Variants in TDRD10 observed in about 807,000 individuals in gnomAD.
TDRD10 encodes the protein tudor domain containing 10, also known as tudor domain-containing protein 10.
In TDRD10, 40 loss-of-function variants were observed where a neutral mutation model predicts 48.0. The ratio of observed to expected loss-of-function variants is 0.83; its 90% CI spans 0.65 to 1.09. The LOEUF (loss-of-function observed/expected upper bound fraction) is 1.09. Among genes scored for constraint, TDRD10 ranks in the 50% least tolerant of loss-of-function variants. TDRD10 has a pLI of 0.00. For missense variants in TDRD10, 378 were observed against 434.7 expected (o/e 0.87, Z 1.16); for synonymous variants, 162 against 170.4 (o/e 0.95, Z 0.38).
At chr1:154,530,433 T>A (rs4845645) in intron 6 of TDRD10, among the ~76,000 whole-genome samples, 111,932 of 143,882 alleles carry the variant, frequency 0.78, 44,139 homozygotes, top group East Asian at 0.91. Context: ...TTTCATTAAA[T>A]TTTTTTTTTC....
chr1:154,538,742 A>G (rs1340367021), intron 6 of TDRD10, among the ~76,000 whole-genome samples: 1 of 150,754 alleles, frequency 6.6e-6, no homozygotes, highest in Non-Finnish European at 1.5e-5. Context: ...AGTCTGAGCT[A>G]CTCGGGAGGC....
chr1:154,543,420 T>G (rs1253388727), intron 8 of TDRD10, among the ~76,000 whole-genome samples: 1 of 152,246 alleles, frequency 6.6e-6, no homozygotes, highest in Non-Finnish European at 1.5e-5. Flanking sequence ...GATACCGTTC[T>G]TAATGTCAAG....
chr1:154,521,259 C>T, intron 5 of TDRD10, 64 bp from the exon 6 acceptor site: 1 of 1,562,890 alleles, frequency 6.4e-7, no homozygotes, highest in Non-Finnish European at 8.7e-7. Flanking sequence ...CTTGGTGCCT[C>T]CCTGCAGCTC....
intron 1 of TDRD10, among the ~76,000 whole-genome samples, chr1:154,503,461 G>C (rs1375846276): frequency 1.3e-5 from 2 of 152,084 alleles, no homozygotes; most frequent in African/African-American, 4.8e-5. Flanking sequence ...GGTGGTGCGC[G>C]CCTATGGTTG....
At chr1:154,517,741 G>C (rs766016743) in intron 4 of TDRD10, among the ~76,000 whole-genome samples, 18 of 152,040 alleles carry the variant, frequency 1.2e-4, no homozygotes, top group Non-Finnish European at 2.2e-4. Context: ...TTTTTAATCT[G>C]CAAAATCATC....
rs1192283388 is a variant in TDRD10, at chr1:154,544,522, G to T, written c.797+5G>T. 6.2e-7 allele frequency: 1 copy of T among 1,613,290 alleles called. No individual in the cohort carries two copies. The highest frequency in any genetic ancestry group is 1.3e-5 in the African/African-American group (1 of 74,936). Reference sequence around the variant, plus strand: ...TTATGGACACGCCTGGAACAGGTGTGTGCCTGGGCAGGGGTAGAGTCTATG... The same window carrying T: ...TTATGGACACGCCTGGAACAGGTGTTTGCCTGGGCAGGGGTAGAGTCTATG... On this transcript the variant is annotated splice_donor_5th_base_variant and intron_variant, in intron 10 of 12. Coordinates refer to ENST00000368482, the MANE Select transcript of TDRD10 (RefSeq NM_182499.4).
At position 154,520,522 on chromosome 1, in the gene TDRD10, C is replaced by T. The variant is rs530501763; in HGVS notation, c.212+148C>T. 5.0e-5 allele frequency: 33 copies of T among 654,242 alleles called. No individual in the cohort carries two copies. The East Asian group carries it at 9.0e-4, about 18-fold the overall frequency. The allele number at this position is 654,242 out of a possible 1,614,324, so 40.5% of individuals were successfully genotyped here. On this transcript the variant is annotated intron_variant, in intron 5 of 12. Transcript: ENST00000368482. ...GGCAAAGGAACATTTGGGAAACCCC[C>T]TTTCCATATTTAACCCTGTGACCCA...
In TDRD10 at chr1:154,506,884, TG is replaced by T. The variant is rs1693180755; in HGVS notation, c.-19del. 7.4e-6 allele frequency: 12 copies of T among 1,614,180 alleles called. No homozygotes were observed. The highest frequency in any genetic ancestry group is 1.0e-5 in the Non-Finnish European group (12 of 1,179,986). Reference sequence around the variant, plus strand: ...GGCCGGTTGGTTTTGTAGGAGATCCTGTTGGAAAGCAACTGCAGCATGTAAG... The same window carrying T: ...GGCCGGTTGGTTTTGTAGGAGATCCTTTGGAAAGCAACTGCAGCATGTAAG... On this transcript the variant is annotated 5_prime_UTR_variant, in exon 2 of 13. Transcript: ENST00000368482.
chr1:154,515,740 A>G (rs1322718594), intron 4 of TDRD10, among the ~76,000 whole-genome samples: 2 of 152,006 alleles, frequency 1.3e-5, no homozygotes, highest in Non-Finnish European at 2.9e-5. Flanking sequence ...TTGAGATGGA[A>G]TTTCGCTCTT....
At chr1:154,545,162 G>A (rs1191570931) in intron 11 of TDRD10, among the ~76,000 whole-genome samples, 2 of 152,236 alleles carry the variant, frequency 1.3e-5, no homozygotes, top group East Asian at 3.9e-4. Flanking sequence ...ATCCCAACAG[G>A]GACCTCAGAT....
intron 6 of TDRD10, among the ~76,000 whole-genome samples, chr1:154,521,752 G>A (rs1694072005): frequency 6.6e-6 from 1 of 152,190 alleles, no homozygotes; most frequent in African/African-American, 2.4e-5. Context: ...TTTTCAACCT[G>A]GAATATTGAA....
chr1:154,522,276 C>T (rs914421117), intron 6 of TDRD10, among the ~76,000 whole-genome samples: 10 of 152,088 alleles, frequency 6.6e-5, no homozygotes, highest in African/African-American at 2.4e-4. Flanking sequence ...TTTCCAGAAG[C>T]CCTGACCACA....
intron 4 of TDRD10, among the ~76,000 whole-genome samples, chr1:154,509,576 C>T (rs553895236): frequency 6.6e-6 from 1 of 152,216 alleles, no homozygotes; most frequent in African/African-American, 2.4e-5. Context: ...ATGTTCTTTG[C>T]TTTGTGCCAA....
chr1:154,517,621 C>T (rs537215087), intron 4 of TDRD10, among the ~76,000 whole-genome samples: 1 of 152,200 alleles, frequency 6.6e-6, no homozygotes, highest in Non-Finnish European at 1.5e-5. Flanking sequence ...GGGGTTTCAC[C>T]ATGTTGGTCA....
intron 6 of TDRD10, among the ~76,000 whole-genome samples, chr1:154,531,699 A>G (rs1015056377): frequency 6.6e-6 from 1 of 152,218 alleles, no homozygotes; most frequent in Non-Finnish European, 1.5e-5. Flanking sequence ...CACAGTGCGT[A>G]AGGGGACCCG....
intron 4 of TDRD10, among the ~76,000 whole-genome samples, chr1:154,512,554 G>T (rs1434634629): frequency 1.3e-5 from 2 of 152,154 alleles, no homozygotes; most frequent in Non-Finnish European, 2.9e-5. Flanking sequence ...ATGATGGTCA[G>T]GCTGGTCTTG....
At chr1:154,546,356 GCCA>G (rs1475708704) in intron 11 of TDRD10, among the ~76,000 whole-genome samples, 1 of 147,160 alleles carries the variant, frequency 6.8e-6, no homozygotes, top group African/African-American at 2.5e-5. Flanking sequence ...ACAGGTGCGA[GCCA>G]CCGCACCCGG....
At chr1:154,531,498 C>G (rs756399711) in intron 6 of TDRD10, among the ~76,000 whole-genome samples, 2 of 152,062 alleles carry the variant, frequency 1.3e-5, no homozygotes, top group Non-Finnish European at 2.9e-5. Flanking sequence ...CAGACCTTCG[C>G]AGTGAGTGTT....
intron 4 of TDRD10, among the ~76,000 whole-genome samples, chr1:154,516,299 T>C (rs899615129): frequency 6.6e-6 from 1 of 151,558 alleles, no homozygotes; most frequent in African/African-American, 2.4e-5. Context: ...GCTCATCCAG[T>C]GGAGAGGGAA....
Sources: allele counts gnomAD v4.1 joint callset (sites outside exome capture counted in the v4.1 genomes callset), GRCh38; gene constraint gnomAD v4.1.1; transcripts MANE v1.5; gene names NCBI Gene and HGNC (gene_info 2026-07-23, HGNC 2026-07-21).